JAZF1: variants seen among roughly 807,000 people sequenced by gnomAD.
JAZF1 encodes juxtaposed with another zinc finger protein 1.
A neutral mutation model predicts 26.4 loss-of-function variants in JAZF1; 8 were observed. The ratio of observed to expected loss-of-function variants is 0.30; its 90% confidence interval spans 0.18 to 0.55. The LOEUF (loss-of-function observed/expected upper bound fraction) is 0.55. Among genes scored for constraint, JAZF1 ranks in the 20% least tolerant of loss-of-function variants. JAZF1 has a pLI of 0.94. For synonymous variants in JAZF1, 126 were observed against 122.3 expected (o/e 1.03, Z -0.20); for missense variants, 199 against 322.0 (o/e 0.62, Z 2.92).
chr7:27,983,728 C>G (rs1193751444), intron 2 of JAZF1, among the ~76,000 whole-genome samples: 1 of 152,170 alleles, frequency 6.6e-6, no homozygotes. Flanking sequence ...CAACGGGAAG[C>G]CCATCAGACT....
intron 3 of JAZF1, among the ~76,000 whole-genome samples, chr7:27,868,161 T>C (rs939540102): frequency 1.3e-5 from 2 of 152,242 alleles, no homozygotes; most frequent in African/African-American, 4.8e-5. Flanking sequence ...TAGTCGTTAC[T>C]ATTTTCACTG....
chr7:28,152,036 T>C (rs187350525), intron 1 of JAZF1, among the ~76,000 whole-genome samples: 52 of 152,310 alleles, frequency 3.4e-4, no homozygotes, highest in African/African-American at 1.2e-3. Context: ...AGCAGCTTCA[T>C]GTCTTTACGT....
intron 1 of JAZF1, among the ~76,000 whole-genome samples, chr7:28,073,124 G>A (rs1011867135): frequency 1.3e-5 from 2 of 152,132 alleles, no homozygotes; most frequent in African/African-American, 4.8e-5. Flanking sequence ...CAACACTATC[G>A]TCTTCTAAAT....
At chr7:27,915,414 T>C (rs1192290048) in intron 2 of JAZF1, among the ~76,000 whole-genome samples, 1 of 152,228 alleles carries the variant, frequency 6.6e-6, no homozygotes, top group East Asian at 1.9e-4. Flanking sequence ...CTTTACTCAC[T>C]GGTAACAATA....
chr7:27,996,288 C>T (rs1229423416), intron 1 of JAZF1, among the ~76,000 whole-genome samples: 3 of 152,164 alleles, frequency 2.0e-5, no homozygotes, highest in Admixed American at 6.5e-5. Flanking sequence ...CCTCTAAGGG[C>T]AATGTGCTAT....
At chr7:28,090,300 T>A (rs1339990381) in intron 1 of JAZF1, among the ~76,000 whole-genome samples, 1 of 152,218 alleles carries the variant, frequency 6.6e-6, no homozygotes, top group Non-Finnish European at 1.5e-5. Context: ...CATCACCTTC[T>A]TCATCATGAA....
At chr7:27,981,505 A>C (rs1785584283) in intron 2 of JAZF1, among the ~76,000 whole-genome samples, 1 of 152,222 alleles carries the variant, frequency 6.6e-6, no homozygotes, top group African/African-American at 2.4e-5. Context: ...TAAGATTTAA[A>C]TTTAGTGAAA....
intron 2 of JAZF1, among the ~76,000 whole-genome samples, chr7:27,901,399 G>A (rs1401542982): frequency 6.6e-6 from 1 of 152,188 alleles, no homozygotes; most frequent in Non-Finnish European, 1.5e-5. Flanking sequence ...TAACTCCACA[G>A]GGGGAAAATG....
rs928521744 is a variant in JAZF1 at position 28,059,408 on chromosome 7, A to G, written c.116-67427T>C. On this transcript the variant is annotated intron_variant, in intron 1 of 4. Coordinates refer to ENST00000283928, the MANE Select transcript of JAZF1 (RefSeq NM_175061.4). Reference sequence around the variant, plus strand: ...TATTCTGAAAAGACTGAAATTATATATAATGTATCAAAACCTAAACATTAC... The same window carrying G: ...TATTCTGAAAAGACTGAAATTATATGTAATGTATCAAAACCTAAACATTAC... 3.9e-5 allele frequency among the ~76,000 whole-genome samples: 6 copies of G among 152,210 alleles called. No individual in the cohort carries two copies. In the East Asian group the frequency reaches 9.6e-4, roughly 24 times the overall value.
At chr7:28,093,901 T>C (rs1421488944) in intron 1 of JAZF1, among the ~76,000 whole-genome samples, 2 of 152,190 alleles carry the variant, frequency 1.3e-5, no homozygotes, top group Non-Finnish European at 1.5e-5. Context: ...AGGGTGTGGG[T>C]GGGCAGGAGC....
chr7:28,094,040 T>TA (rs1784343468), intron 1 of JAZF1, among the ~76,000 whole-genome samples: 1 of 152,168 alleles, frequency 6.6e-6, no homozygotes, highest in African/African-American at 2.4e-5. Flanking sequence ...ACATTAACTA[T>TA]GAAAGCACAT....
chr7:27,834,182 A>C (rs1486566963), intron 4 of JAZF1, among the ~76,000 whole-genome samples: 1 of 152,212 alleles, frequency 6.6e-6, no homozygotes, highest in Non-Finnish European at 1.5e-5. Context: ...TGTCTCATGA[A>C]TACCTAGCAC....
intron 3 of JAZF1, among the ~76,000 whole-genome samples, chr7:27,873,129 G>A (rs752261300): frequency 4.2e-4 from 64 of 152,130 alleles, no homozygotes; most frequent in Non-Finnish European, 7.9e-4. Context: ...TCCACATCAA[G>A]TCATTTCCCG....
chr7:28,161,700 C>G (rs1237624720), intron 1 of JAZF1, among the ~76,000 whole-genome samples: 1 of 152,124 alleles, frequency 6.6e-6, no homozygotes, highest in Admixed American at 6.6e-5. Context: ...TTGAATATTT[C>G]CAATGAACCC....
At chr7:27,849,954 C>A (rs181848807) in intron 3 of JAZF1, among the ~76,000 whole-genome samples, 41 of 152,180 alleles carry the variant, frequency 2.7e-4, no homozygotes, top group Non-Finnish European at 5.0e-4. Context: ...GTGGAGATGG[C>A]CCAATTCTGT....
At chr7:27,857,016 G>A (rs950041300) in intron 3 of JAZF1, among the ~76,000 whole-genome samples, 7 of 152,248 alleles carry the variant, frequency 4.6e-5, no homozygotes, top group African/African-American at 9.6e-5. Context: ...CACCAGGGCC[G>A]CAGGTGGAGC....
chr7:28,114,327 T>C (rs1784706518), intron 1 of JAZF1, among the ~76,000 whole-genome samples: 1 of 152,038 alleles, frequency 6.6e-6, no homozygotes, highest in Non-Finnish European at 1.5e-5. Flanking sequence ...ACACAGATAA[T>C]TCCCATCTTC....
chr7:27,922,597 A>G (rs1784550975), intron 2 of JAZF1, among the ~76,000 whole-genome samples: 1 of 152,248 alleles, frequency 6.6e-6, no homozygotes, highest in South Asian at 2.1e-4. Flanking sequence ...ACTTAAAGTC[A>G]GCAAAATAAC....
chr7:27,926,922 C>T (rs1404828980), intron 2 of JAZF1, among the ~76,000 whole-genome samples: 1 of 152,186 alleles, frequency 6.6e-6, no homozygotes, highest in Non-Finnish European at 1.5e-5. Flanking sequence ...CAACAGCAGC[C>T]TGGCCCTCTT....
Sources: gnomAD v4.1 joint callset for allele counts (sites outside exome capture counted in the v4.1 genomes callset) on GRCh38, gnomAD v4.1.1 for gene constraint, MANE v1.5 for transcripts, NCBI Gene and HGNC (gene_info 2026-07-23, HGNC 2026-07-21) for gene names.